Variants in CADM2 observed in about 807,000 individuals in gnomAD.
CADM2 encodes the protein cell adhesion molecule 2.
Under a neutral mutation model 49.8 loss-of-function variants are expected in CADM2, and 12 were observed. The ratio of observed to expected loss-of-function variants is 0.24; its 90% CI spans 0.15 to 0.39. The LOEUF is 0.39. Among genes scored for constraint, CADM2 ranks in the 10% least tolerant of loss-of-function variants. CADM2 has a pLI of 1.00. For synonymous variants in CADM2, 214 were observed against 175.4 expected (o/e 1.22, Z -1.74); for missense variants, 378 against 492.3 (o/e 0.77, Z 2.20).
intron 1 of CADM2, among the ~76,000 whole-genome samples, chr3:85,133,747 A>T (rs2039313316): frequency 6.6e-6 from 1 of 152,244 alleles, no homozygotes; most frequent in African/African-American, 2.4e-5. Flanking sequence ...CCTGAGCTAG[A>T]CATAAAGGTT....
intron 8 of CADM2, among the ~76,000 whole-genome samples, chr3:86,049,278 T>A (rs563156225): frequency 0.011 from 1,637 of 149,822 alleles, 26 homozygotes; most frequent in East Asian, 0.057. Flanking sequence ...ATTTTTATTT[T>A]TTATTTTTTT....
intron 1 of CADM2, among the ~76,000 whole-genome samples, chr3:85,311,818 A>T (rs2044352422): frequency 6.6e-6 from 1 of 152,208 alleles, no homozygotes; most frequent in African/African-American, 2.4e-5. Flanking sequence ...TATAGATTTG[A>T]CCAAGTTTCA....
chr3:85,568,299 A>G (rs1452879539), intron 1 of CADM2, among the ~76,000 whole-genome samples: 2 of 152,166 alleles, frequency 1.3e-5, no homozygotes, highest in African/African-American at 2.4e-5. Context: ...TACACAGTTT[A>G]GAGTGTATGA....
intron 1 of CADM2, among the ~76,000 whole-genome samples, chr3:85,357,917 A>G (rs1387667053): frequency 6.6e-6 from 1 of 152,120 alleles, no homozygotes; most frequent in Non-Finnish European, 1.5e-5. Flanking sequence ...TAGCTGTATC[A>G]TCAAATGGAG....
chr3:85,695,274 C>T (rs1343889718), intron 1 of CADM2, among the ~76,000 whole-genome samples: 1 of 152,052 alleles, frequency 6.6e-6, no homozygotes, highest in Non-Finnish European at 1.5e-5. Flanking sequence ...TTTTAGTGTA[C>T]CCATCACCCA....
chr3:85,023,286 G>T (rs1448150797), intron 1 of CADM2, among the ~76,000 whole-genome samples: 1 of 152,032 alleles, frequency 6.6e-6, no homozygotes, highest in Non-Finnish European at 1.5e-5. Context: ...AACCTCTCTA[G>T]TATTTGTACT....
At chr3:85,457,434 A>G (rs2107581692) in intron 1 of CADM2, among the ~76,000 whole-genome samples, 1 of 152,206 alleles carries the variant, frequency 6.6e-6, no homozygotes, top group East Asian at 1.9e-4. Context: ...AAAAATTAAA[A>G]AGGATTTATT....
intron 1 of CADM2, among the ~76,000 whole-genome samples, chr3:85,318,180 A>AG (rs2044512896): frequency 6.6e-6 from 1 of 151,234 alleles, no homozygotes; most frequent in Non-Finnish European, 1.5e-5. Flanking sequence ...AGAAAAAAAA[A>AG]AAAGAAAAAA....
chr3:85,510,217 T>C (rs553441396), intron 1 of CADM2, among the ~76,000 whole-genome samples: 1 of 152,002 alleles, frequency 6.6e-6, no homozygotes, highest in Non-Finnish European at 1.5e-5. Context: ...TCTAAGAATA[T>C]TTTTTCCTGC....
intron 1 of CADM2, among the ~76,000 whole-genome samples, chr3:85,002,343 G>C (rs1301717288): frequency 1.3e-5 from 2 of 151,954 alleles, no homozygotes; most frequent in South Asian, 2.1e-4. Context: ...GCTGTGCACT[G>C]TCACATGCAT....
rs73127038 is a variant in CADM2 at position 85,106,240 on chromosome 3, G to T, written c.61+146572G>T. ...AACATTATGAAGGTTGCATTGATAC[G>T]ACATATCAAATTTTAATATGTAAAT... On this transcript the variant is annotated intron_variant, in intron 1 of 9. Transcript: ENST00000383699. Among the ~76,000 whole-genome samples, 175 of 152,206 alleles carry T rather than the reference G, an allele frequency of 1.1e-3. 2 individuals carry two copies. Among genetic ancestry groups the T allele is most frequent in the Non-Finnish European group, 2.0e-3 (137 of 68,010 alleles).
rs1350069252 is a variant in CADM2 at position 86,067,983 on chromosome 3, C to A, written c.*1200C>A. ...ATTACAACCACAGTTGAATAATAAC[C>A]TAAAAATAAATTTTAGTTTGCTAAA... On this transcript the variant is annotated 3_prime_UTR_variant, in exon 10 of 10. Transcript: ENST00000383699. The A allele has an allele frequency of 6.6e-6, 1 of 152,342 alleles. No individual in the cohort carries two copies. The highest frequency in any genetic ancestry group is 2.4e-5 in the African/African-American group (1 of 41,416). 9.4% of individuals were successfully genotyped at this position (152,342 alleles called of 1,614,324 possible).
At chr3:85,207,161 G>C (rs1348974016) in intron 1 of CADM2, among the ~76,000 whole-genome samples, 2 of 151,924 alleles carry the variant, frequency 1.3e-5, no homozygotes, top group Non-Finnish European at 2.9e-5. Flanking sequence ...ATACTTGCGT[G>C]AAACATGTTT....
At chr3:84,987,001 G>A (rs1436462545) in intron 1 of CADM2, among the ~76,000 whole-genome samples, 1 of 151,328 alleles carries the variant, frequency 6.6e-6, no homozygotes, top group Non-Finnish European at 1.5e-5. Context: ...GCGGTGAGCC[G>A]AGATCGCATC....
chr3:85,064,459 A>G (rs1416433919), intron 1 of CADM2, among the ~76,000 whole-genome samples: 1 of 152,038 alleles, frequency 6.6e-6, no homozygotes, highest in Non-Finnish European at 1.5e-5. Flanking sequence ...TTTAGTGAGG[A>G]TAAGTGGAAT....
At chr3:85,085,765 G>A (rs1175295391) in intron 1 of CADM2, among the ~76,000 whole-genome samples, 1 of 152,106 alleles carries the variant, frequency 6.6e-6, no homozygotes, top group Non-Finnish European at 1.5e-5. Flanking sequence ...TATATAACGA[G>A]TTGACCCCAT....
rs754451189 is a variant in CADM2 at position 85,802,201 on chromosome 3, A to C, written c.238+5A>C. ...TGTACTTTGACGACAAGAAAGGTGA[A>C]TACATTTTCTTTCAAATGTTTTAAT... On this transcript the variant is annotated splice_donor_5th_base_variant and intron_variant, in intron 3 of 9. Transcript: ENST00000383699. The C allele has an allele frequency of 2.5e-6, 4 of 1,602,030 alleles. No homozygotes were observed. The highest frequency in any genetic ancestry group is 2.6e-6 in the Non-Finnish European group (3 of 1,174,878).
chr3:85,279,355 A>G (rs2043443383), intron 1 of CADM2, among the ~76,000 whole-genome samples: 1 of 151,608 alleles, frequency 6.6e-6, no homozygotes, highest in Non-Finnish European at 1.5e-5. Flanking sequence ...AGATGTTTAA[A>G]GAAAACATTT....
At chr3:85,480,682 T>G (rs915655331) in intron 1 of CADM2, among the ~76,000 whole-genome samples, 11 of 151,866 alleles carry the variant, frequency 7.2e-5, no homozygotes, top group Non-Finnish European at 8.8e-5. Context: ...TTACTTCTTG[T>G]GCAGAATCTC....
Sources: allele counts gnomAD v4.1 joint callset (sites outside exome capture counted in the v4.1 genomes callset), GRCh38; gene constraint gnomAD v4.1.1; transcripts MANE v1.5; gene names NCBI Gene and HGNC (gene_info 2026-07-23, HGNC 2026-07-21).